Variants in EXOC7 observed in about 807,000 individuals in gnomAD.
EXOC7 encodes the protein exocyst complex component Exo70.
EXOC7 carries 51 observed loss-of-function variants against 87.6 expected under a neutral mutation model. That is an observed-to-expected ratio of 0.58 (90% CI 0.46 to 0.73). The LOEUF is 0.73. Among genes scored for constraint, EXOC7 ranks in the 30% least tolerant of loss-of-function variants. The pLI is 0.00. For missense variants in EXOC7, 744 were observed against 888.4 expected, an observed-to-expected ratio of 0.84 and a Z score of 2.07; for synonymous variants, 327 against 357.1, an observed-to-expected ratio of 0.92 and a Z score of 0.95.
chr17:76,085,319 C>G lies in EXOC7; in HGVS notation c.1707G>C (p.Gln569His), dbSNP rs202208567. ...GGGCGGGCCCAGCCTCTCACCTGCG[C>G]TGGTAGGTCTGGATCTGCTGCTCAA... ...EHIEQQIQTY[Q>H]RSWLKVTDYI... is the part of the protein sequence containing the mutation. Residue 569 changes from glutamine to histidine, a missense_variant, in exon 15 of 19, where the codon CAG (glutamine) becomes CAC (histidine). Physicochemically the swap from Gln to His is conservative, Grantham distance 24. This residue lies in a region of EXOC7 where 228 missense variants were observed against 298.6 expected (regional missense o/e 0.76). Coordinates refer to ENST00000589210, the MANE Select transcript of EXOC7 (RefSeq NM_001013839.4). 6.3e-7 allele frequency: 1 copy of G among 1,598,846 alleles called. No homozygotes were observed. Among genetic ancestry groups the G allele is most frequent in the Admixed American group, 1.7e-5 (1 of 57,828 alleles).
chr17:76,089,694 G>A (rs1299237456), intron 7 of EXOC7: 6 of 250,218 alleles, frequency 2.4e-5, no homozygotes, highest in Non-Finnish European at 4.0e-5. Flanking sequence ...GGCAGCCCAG[G>A]GTGGGCAGGT....
intron 7 of EXOC7, chr17:76,090,775 T>C: frequency 1.9e-6 from 1 of 514,672 alleles, no homozygotes; most frequent in South Asian, 2.6e-5. Context: ...ACACTCCCCT[T>C]TCTAAAGATG....
chr17:76,102,794 G>T (rs2666013), intron 2 of EXOC7, among the ~76,000 whole-genome samples: 36,724 of 152,072 alleles, frequency 0.24, 4,672 homozygotes, highest in East Asian at 0.45. Flanking sequence ...GCAGTCGCAT[G>T]CATTAGCGCA....
At chr17:76,085,571 T>A in intron 14 of EXOC7, 106 bp downstream of exon 14, 1 of 1,562,096 alleles carries the variant, frequency 6.4e-7, no homozygotes, top group East Asian at 2.2e-5. Context: ...AAGCACCCCC[T>A]CCCCTCTCGT....
rs367691241 is a variant in EXOC7, at chr17:76,094,541, C to T, written c.681G>A (p.Leu227=). The part of the protein sequence containing the change: ...NVYYQIRSSQ[L]DRSIKGLKEH... ...CCTTCAGTCCTTTGATGGAGCGGTC[C>T]AGCTGGCTGGAGCGTATCTGGTAGT... Residue 227 remains leucine, a synonymous_variant, in exon 6 of 19, where the codon CTG becomes CTA. Transcript: ENST00000589210. 6.2e-7 allele frequency: 1 copy of T among 1,613,968 alleles called. No homozygotes were observed. Among genetic ancestry groups the T allele is most frequent in the Non-Finnish European group, 8.5e-7 (1 of 1,180,000 alleles).
intron 10 of EXOC7, 140 bp from the exon 11 acceptor site, chr17:76,088,262 A>AG (rs2067303705): frequency 9.9e-7 from 1 of 1,006,774 alleles, no homozygotes; most frequent in Non-Finnish European, 1.5e-6. Context: ...GGCTGGACCA[A>AG]GGGGGAGAGG....
chr17:76,101,097 A>T, intron 4 of EXOC7, 174 bp downstream of exon 4: 4 of 1,209,788 alleles, frequency 3.3e-6, no homozygotes, highest in Non-Finnish European at 4.2e-6. Context: ...AATTTTTAAT[A>T]ATAAAAAATG....
intron 2 of EXOC7, 27 bp from the exon 3 acceptor site, chr17:76,101,890 G>C: frequency 6.3e-7 from 1 of 1,590,056 alleles, no homozygotes; most frequent in Non-Finnish European, 8.6e-7. Flanking sequence ...TCTTGATCTT[G>C]GGACTCACAG....
At chr17:76,096,553 T>C (rs573227339) in intron 5 of EXOC7, among the ~76,000 whole-genome samples, 2 of 151,492 alleles carry the variant, frequency 1.3e-5, no homozygotes, top group African/African-American at 4.8e-5. Context: ...TGAATATCTA[T>C]TGGAGTTTTT....
In EXOC7 at chr17:76,089,203, T is replaced by G. The variant is rs1213780238; in HGVS notation, c.1019A>C (p.Gln340Pro). The G allele has an allele frequency of 6.2e-7, 1 of 1,613,888 alleles. No homozygotes were observed. Among genetic ancestry groups the G allele is most frequent in the East Asian group, 2.2e-5 (1 of 44,874 alleles). ...TATCAGGGAGTCGAAGGTCTTCTTC[T>G]GGTGGTGCTCGGGGATGATGTCGGC... Reference protein sequence around the residue: ...LLADIIPEHHQKKTFDSLIQD... With the variant: ...LLADIIPEHHPKKTFDSLIQD... The change falls in exon 8 of 19, where the codon CAG becomes CCG. Residue 340 changes from glutamine (Q) to proline (P), a missense_variant. Gln to Pro is a moderately conservative substitution (Grantham distance 76). Around this residue, in one of 3 missense-constraint regions of EXOC7, gnomAD observed 512 missense variants for 573.0 expected, o/e 0.89. Coordinates refer to ENST00000589210, the MANE Select transcript of EXOC7 (RefSeq NM_001013839.4).
intron 15 of EXOC7, 97 bp downstream of exon 15, chr17:76,085,217 T>A (rs764514701): frequency 5.4e-5 from 54 of 1,001,108 alleles, no homozygotes; most frequent in Non-Finnish European, 7.8e-5. Context: ...AGGACAGGAG[T>A]TCCCCGTGAC....
In EXOC7 at chr17:76,082,898, C is replaced by G. The variant is rs906618849; in HGVS notation, c.*750G>C. ...CCCCATTTTGCTCCTTAACTTTTCC[C>G]CATTGTCCCTGTCTCCCAGCCCACA... On this transcript the variant is annotated 3_prime_UTR_variant, in exon 19 of 19. Transcript: ENST00000589210. The G allele has an allele frequency of 1.9e-5, 7 of 364,302 alleles. No homozygotes were observed. Among genetic ancestry groups the G allele is most frequent in the Non-Finnish European group, 3.4e-5 (7 of 203,902 alleles). 22.6% of individuals were successfully genotyped at this position (364,302 alleles called of 1,614,324 possible).
intron 10 of EXOC7, 146 bp from the exon 11 acceptor site, chr17:76,088,268 A>G (rs2144618641): frequency 1.0e-6 from 1 of 977,586 alleles, no homozygotes; most frequent in Non-Finnish European, 1.6e-6. Context: ...ACCAAGGGGG[A>G]GAGGCCCTTC....
chr17:76,100,438 C>T (rs2068001739), intron 4 of EXOC7, among the ~76,000 whole-genome samples: 1 of 150,940 alleles, frequency 6.6e-6, no homozygotes, highest in Admixed American at 6.6e-5. Flanking sequence ...ACCAAACTGG[C>T]TAACATGGTG....
intron 6 of EXOC7, 79 bp downstream of exon 6, chr17:76,094,335 G>A (rs778956804): frequency 1.4e-5 from 21 of 1,470,872 alleles, no homozygotes; most frequent in East Asian, 2.3e-5. Flanking sequence ...CTGACGCTGC[G>A]AACGCTAGAT....
In EXOC7 at chr17:76,082,067, G is replaced by A. The variant is rs1188940172; in HGVS notation, c.*1581C>T. 1.3e-6 allele frequency: 2 copies of A among 1,585,626 alleles called. No homozygotes were observed. The highest frequency in any genetic ancestry group is 1.7e-6 in the Non-Finnish European group (2 of 1,167,468). On this transcript the variant is annotated 3_prime_UTR_variant, in exon 19 of 19. Coordinates refer to ENST00000589210, the MANE Select transcript of EXOC7 (RefSeq NM_001013839.4). ...TGCTGAAGGTGGGCAGGGGCTGGGG[G>A]GTAAGGAATGAGGCCTAGGTGCACA...
chr17:76,101,647 A>G, intron 3 of EXOC7, 32 bp downstream of exon 3: 3 of 1,582,948 alleles, frequency 1.9e-6, no homozygotes, highest in Non-Finnish European at 2.6e-6. Context: ...AGGAGGCATT[A>G]GGAATTGACC....
At chr17:76,086,195 A>C in intron 12 of EXOC7, 50 bp from the exon 13 acceptor site, 1 of 1,568,612 alleles carries the variant, frequency 6.4e-7, no homozygotes, top group Non-Finnish European at 8.7e-7. Context: ...CAAGACCCTC[A>C]ACGGCCCTTC....
intron 5 of EXOC7, among the ~76,000 whole-genome samples, chr17:76,096,992 C>T (rs2067791481): frequency 6.6e-6 from 1 of 152,222 alleles, no homozygotes; most frequent in Admixed American, 6.5e-5. Flanking sequence ...GCTGGCTCTG[C>T]AGGCATGCGT....
Sources: allele counts gnomAD v4.1 joint callset (sites outside exome capture counted in the v4.1 genomes callset), GRCh38; gene constraint gnomAD v4.1.1; regional missense constraint gnomAD v4.1.1; transcripts MANE v1.5; gene names NCBI Gene and HGNC (gene_info 2026-07-23, HGNC 2026-07-21).